Variants in TSEN54 observed in about 807,000 individuals in gnomAD.
TSEN54 encodes tRNA-splicing endonuclease subunit Sen54.
In TSEN54, 55 loss-of-function variants were observed where a neutral mutation model predicts 61.9. The observed-to-expected ratio is 0.89, with a 90% CI of 0.72 to 1.11. The LOEUF is 1.11. TSEN54 is among the 50% of genes most tolerant of loss of function. The pLI is 0.00. For missense variants in TSEN54, 760 were observed against 687.7 expected (o/e 1.11, Z -1.18); for synonymous variants, 304 against 288.7 (o/e 1.05, Z -0.54).
At position 75,521,694 on chromosome 17, in the gene TSEN54, A is replaced by G. The variant is rs199757520; in HGVS notation, c.624-11A>G. 71 of 1,612,778 alleles carry G rather than the reference A, an allele frequency of 4.4e-5. No individual in the cohort carries two copies. The Middle Eastern group carries it at 5.0e-4, about 11-fold the overall frequency. On this transcript the variant is annotated splice_polypyrimidine_tract_variant and intron_variant, in intron 7 of 10. Coordinates refer to ENST00000333213, the MANE Select transcript of TSEN54 (RefSeq NM_207346.3). ...GGGGCAGATGTGCTGCTTTTCCCCC[A>G]CGTCCCTCAGGTCCATTAATAAGAA... is the stretch of plus-strand genomic sequence containing the variant.
rs794726965 is a variant in TSEN54 at position 75,516,566 on chromosome 17, G to A, written c.6G>A (p.Glu2=). The change falls in exon 1 of 11, where the codon GAG becomes GAA. Residue 2 remains glutamate (E), a synonymous_variant. Transcript: ENST00000333213. The part of the protein sequence containing the change: M[E]PEPEPAAVEV... ...CAGCGGCAGGCGGCGGCGGGATGGA[G>A]CCCGAGCCCGAGCCCGCGGCCGTGG... is the stretch of plus-strand genomic sequence containing the variant. 3.5e-6 allele frequency: 4 copies of A among 1,145,784 alleles called. No individual in the cohort carries two copies. The African/African-American group carries it at 4.9e-5, about 14-fold the overall frequency. The allele number at this position is 1,145,784 out of a possible 1,614,324, so 71.0% of individuals were successfully genotyped here.
intron 6 of TSEN54, among the ~76,000 whole-genome samples, chr17:75,520,344 C>T (rs919397398): frequency 6.8e-6 from 1 of 147,910 alleles, no homozygotes; most frequent in Non-Finnish European, 1.5e-5. Flanking sequence ...CCGACGCGGG[C>T]GGATCGCGTG....
intron 3 of TSEN54, 40 bp from the exon 4 acceptor site, chr17:75,517,121 C>T (rs765034748): frequency 6.4e-7 from 1 of 1,555,110 alleles, no homozygotes; most frequent in East Asian, 2.3e-5. Flanking sequence ...GCCCTCCCTG[C>T]CCTCCCTCCC....
rs2053368841 is a variant in TSEN54, at chr17:75,516,614, C to T, written c.54C>T (p.Leu18=). 1 of 1,184,308 alleles carries T rather than the reference C, an allele frequency of 8.4e-7. No individual in the cohort carries two copies. The highest frequency in any genetic ancestry group is 1.0e-6 in the Non-Finnish European group (1 of 958,628). 73.4% of individuals were successfully genotyped at this position (1,184,308 alleles called of 1,614,324 possible). A position where few individuals can be genotyped will look rare whatever the true frequency, so the allele number is the denominator to read the frequency against. ...TGGAGGTTCCCGCGGGGCGCGTGCT[C>T]AGGTGCGGCGCGGCCCGGCCGGAGT... ...AAVEVPAGRV[L]SARELFAARS... Residue 18 remains leucine (L), a splice_region_variant and synonymous_variant, in exon 1 of 11, where the codon CTC becomes CTT. Coordinates refer to ENST00000333213, the MANE Select transcript of TSEN54 (RefSeq NM_207346.3).
Position 75,517,578 on chromosome 17 carries a change from C to T in TSEN54, c.391C>T (p.Gln131Ter). 1 of 1,613,898 alleles carries T rather than the reference C, an allele frequency of 6.2e-7. No homozygotes were observed. The highest frequency in any genetic ancestry group is 8.5e-7 in the Non-Finnish European group (1 of 1,180,012). ...LECGSIHLFH[Q>*]DLPLSIQEAY... ...CCAGGGCTCCATCCACCTCTTCCAC[C>T]AAGACCTGCCACTGTCTATCCAGGA... Residue 131 changes from glutamine (Q) to a stop codon, truncating the protein, a stop_gained, in exon 5 of 11, where the codon CAA becomes TAA. Coordinates refer to ENST00000333213, the MANE Select transcript of TSEN54 (RefSeq NM_207346.3). LOFTEE classifies it high-confidence loss of function.
rs746697978 is a variant in TSEN54 at position 75,517,198 on chromosome 17, G to T, written c.323G>T (p.Gly108Val). 1.2e-6 allele frequency: 2 copies of T among 1,607,648 alleles called. No individual in the cohort carries two copies. The highest frequency in any genetic ancestry group is 4.5e-5 in the East Asian group (2 of 44,688). ...FWQTMGFSEQ[G>V]RQRLHPEEAL... ...CAGACCATGGGCTTCTCAGAGCAGGGCCGGCAGCGCCTTCACCCGGAAGAG... is the reference window on the plus strand; with the variant it reads ...CAGACCATGGGCTTCTCAGAGCAGGTCCGGCAGCGCCTTCACCCGGAAGAG... Residue 108 changes from glycine to valine, a missense_variant, in exon 4 of 11, where the codon GGC becomes GTC. This residue lies in a region of TSEN54 where 667 missense variants were observed against 577.8 expected (regional missense o/e 1.15). Transcript: ENST00000333213.
In TSEN54 at chr17:75,517,056, A is replaced by C; in HGVS notation, c.269A>C (p.Glu90Ala). The C allele has an allele frequency of 6.3e-7, 1 of 1,597,074 alleles. No individual in the cohort carries two copies. Among genetic ancestry groups the C allele is most frequent in the Non-Finnish European group, 8.5e-7 (1 of 1,172,684 alleles). ...TGGAGGCCAGAAGAGGGCTTCGTGGAGTTGAAGTCTCCCGCGGTGAGCGGC... is the reference window on the plus strand; with the variant it reads ...TGGAGGCCAGAAGAGGGCTTCGTGGCGTTGAAGTCTCCCGCGGTGAGCGGC... ...AEWRPEEGFV[E>A]LKSPAGKFWQ... The change falls in exon 3 of 11, where the codon GAG becomes GCG. Residue 90 changes from glutamate to alanine, a missense_variant. This residue lies in a region of TSEN54 where 667 missense variants were observed against 577.8 expected (regional missense o/e 1.15). Transcript: ENST00000333213.
At chr17:75,518,732 G>A (rs536265916) in intron 5 of TSEN54, 1 of 985,330 alleles carries the variant, frequency 1.0e-6, no homozygotes, top group African/African-American at 1.7e-5. Flanking sequence ...TGGTTTTCTG[G>A]TTTCATGGCT....
intron 6 of TSEN54, 109 bp from the exon 7 acceptor site, chr17:75,521,300 C>T: frequency 1.1e-6 from 1 of 934,384 alleles, no homozygotes; most frequent in South Asian, 1.4e-5. Context: ...GGGTGTGGCT[C>T]CGATCCTGGC....
chr17:75,517,104 C>A lies in TSEN54; in HGVS notation c.285+32C>A, dbSNP rs7218675. ...GGCGGGCTCGGGGACCGGGGACCGC[C>A]CTCCCTGCCCTCCCTGCCCTCCCTC... is the stretch of plus-strand genomic sequence containing the variant. On this transcript the variant is annotated intron_variant, in intron 3 of 10. Coordinates refer to ENST00000333213, the MANE Select transcript of TSEN54 (RefSeq NM_207346.3). 1,032,177 of 1,443,256 alleles carry A rather than the reference C, an allele frequency of 0.72. 351,199 individuals are homozygous for A. Among genetic ancestry groups the A allele is most frequent in the Non-Finnish European group, 0.75 (818,192 of 1,093,852 alleles). The allele number at this position is 1,443,256 out of a possible 1,614,324, so 89.4% of individuals were successfully genotyped here.
At chr17:75,523,907 T>G (rs2053464714) in intron 10 of TSEN54, 128 bp downstream of exon 10, 5 of 1,081,124 alleles carry the variant, frequency 4.6e-6, no homozygotes, top group Non-Finnish European at 5.5e-6. Context: ...CCAGAGAGGC[T>G]AAGTGACCTA....
At position 75,524,588 on chromosome 17, in the gene TSEN54, C is replaced by T; in HGVS notation, c.*176C>T. ...AGTGAAACTGTGACCCTCTCCCTTC[C>T]CTGCTGCCTTGCAGTGACCCCTCTG... On this transcript the variant is annotated 3_prime_UTR_variant, in exon 11 of 11. Coordinates refer to ENST00000333213, the MANE Select transcript of TSEN54 (RefSeq NM_207346.3). The T allele has an allele frequency of 1.2e-6, 1 of 825,278 alleles. No individual in the cohort carries two copies. Among genetic ancestry groups the T allele is most frequent in the South Asian group, 1.4e-5 (1 of 70,416 alleles). 51.1% of individuals were successfully genotyped at this position (825,278 alleles called of 1,614,324 possible). A position where few individuals can be genotyped will look rare whatever the true frequency, so the allele number is the denominator to read the frequency against.
chr17:75,517,600 A>G lies in TSEN54; in HGVS notation c.413A>G (p.Gln138Arg). The G allele has an allele frequency of 6.2e-7, 1 of 1,613,780 alleles. No homozygotes were observed. Among genetic ancestry groups the G allele is most frequent in the African/African-American group, 1.3e-5 (1 of 74,928 alleles). ...LFHQDLPLSI[Q>R]EAYQLLLTDH... Reference sequence around the variant, plus strand: ...CACCAAGACCTGCCACTGTCTATCCAGGAAGCTTACCAGCTGCTGCTGACC... The same window carrying G: ...CACCAAGACCTGCCACTGTCTATCCGGGAAGCTTACCAGCTGCTGCTGACC... Residue 138 changes from glutamine (Q) to arginine (R), a missense_variant, in exon 5 of 11, where the codon CAG becomes CGG. This residue lies in a region of TSEN54 where 667 missense variants were observed against 577.8 expected (regional missense o/e 1.15). Coordinates refer to ENST00000333213, the MANE Select transcript of TSEN54 (RefSeq NM_207346.3).
chr17:75,520,779 C>A (rs2053419351), intron 6 of TSEN54, among the ~76,000 whole-genome samples: 2 of 151,842 alleles, frequency 1.3e-5, no homozygotes, highest in Non-Finnish European at 2.9e-5. Context: ...CATGGTGAAA[C>A]CTTGTCTCTA....
At chr17:75,519,100 G>A (rs1417079120) in intron 6 of TSEN54, 53 bp downstream of exon 6, 1 of 1,604,118 alleles carries the variant, frequency 6.2e-7, no homozygotes. Flanking sequence ...GGACCTGGCT[G>A]ACTAGTCTAA....
chr17:75,519,174 T>C (rs1004700811), intron 6 of TSEN54, 127 bp downstream of exon 6: 27 of 1,048,972 alleles, frequency 2.6e-5, no homozygotes, highest in Admixed American at 3.4e-5. Flanking sequence ...GGGCACAGAC[T>C]GGGGGCGCCT....
rs750365732 is a variant in TSEN54 at position 75,522,133 on chromosome 17, G to C, written c.1052G>C (p.Arg351Pro). The C allele has an allele frequency of 6.4e-7, 1 of 1,566,244 alleles. No homozygotes were observed. The highest frequency in any genetic ancestry group is 1.8e-5 in the Admixed American group (1 of 54,376). Residue 351 changes from arginine (R) to proline (P), a missense_variant, in exon 8 of 11, where the codon CGG becomes CCG. By Grantham distance (103) the Arg-to-Pro change is moderately radical. Transcript: ENST00000333213. ...CAGCGCAAGGAGAAGCTCTCCAGGC[G>C]GGAACGGGAGCACCACGCGGAGGCC... Reference protein sequence around the residue: ...LNQRKEKLSRREREHHAEAAQ... With the variant: ...LNQRKEKLSRPEREHHAEAAQ...
chr17:75,521,521 C>T lies in TSEN54; in HGVS notation c.623+11C>T. On this transcript the variant is annotated intron_variant, in intron 7 of 10. Transcript: ENST00000333213. ...CAGCTCCAGCCCTCGGTAACTCCCACATCACGGTGGCCCCCCAGGGAGTGC... is the reference window on the plus strand; with the variant it reads ...CAGCTCCAGCCCTCGGTAACTCCCATATCACGGTGGCCCCCCAGGGAGTGC... The T allele has an allele frequency of 6.2e-7, 1 of 1,612,972 alleles. No homozygotes were observed. Among genetic ancestry groups the T allele is most frequent in the South Asian group, 1.1e-5 (1 of 91,070 alleles).
At chr17:75,517,472 G>A in intron 4 of TSEN54, 85 bp from the exon 5 acceptor site, 1 of 1,279,720 alleles carries the variant, frequency 7.8e-7, no homozygotes, top group Non-Finnish European at 1.1e-6. Flanking sequence ...GGGGGAGGGG[G>A]AGGTATCAGA....
Sources: gnomAD v4.1 joint callset for allele counts (sites outside exome capture counted in the v4.1 genomes callset) on GRCh38, gnomAD v4.1.1 for gene constraint, gnomAD v4.1.1 regional missense constraint, MANE v1.5 for transcripts, NCBI Gene and HGNC (gene_info 2026-07-23, HGNC 2026-07-21) for gene names.